The following SOX5 variants were observed in gnomAD, a reference collection of about 807,000 sequenced individuals.
SOX5 encodes transcription factor SOX-5.
SOX5 carries 9 observed loss-of-function variants against 92.0 expected under a neutral mutation model. That is an observed-to-expected ratio of 0.10 (90% CI 0.06 to 0.17). The LOEUF (loss-of-function observed/expected upper bound fraction) is 0.17. SOX5 is among the 10% of genes least tolerant of loss of function. The pLI, the probability that SOX5 is intolerant of heterozygous loss-of-function variation, is 1.00. For synonymous variants in SOX5, 344 were observed against 336.3 expected, an observed-to-expected ratio of 1.02 and a Z score of -0.25; for missense variants, 642 against 944.5, an observed-to-expected ratio of 0.68 and a Z score of 4.20.
chr12:23,786,327 T>A (rs564155376), intron 3 of SOX5, among the ~76,000 whole-genome samples: 1 of 152,094 alleles, frequency 6.6e-6, no homozygotes, highest in East Asian at 1.9e-4. Flanking sequence ...GCTATTTAAA[T>A]TATAAAAAGT....
intron 6 of SOX5, among the ~76,000 whole-genome samples, chr12:23,728,713 G>A (rs2093267740): frequency 6.6e-6 from 1 of 152,024 alleles, no homozygotes; most frequent in South Asian, 2.1e-4. Flanking sequence ...TATTTTTACC[G>A]TGTAGGAATA....
chr12:24,171,662 T>C (rs1333760917), intron 4 of SOX5, among the ~76,000 whole-genome samples: 4 of 152,082 alleles, frequency 2.6e-5, no homozygotes, highest in African/African-American at 7.2e-5. Flanking sequence ...ACTGAATGTT[T>C]AGCATGGGAG....
chr12:24,149,849 A>C (rs552973283), intron 4 of SOX5, among the ~76,000 whole-genome samples: 5 of 152,348 alleles, frequency 3.3e-5, no homozygotes, highest in African/African-American at 1.2e-4. Flanking sequence ...AGAATGTATT[A>C]TGTGATACAC....
chr12:23,555,829 A>T (rs1945058484), intron 11 of SOX5, among the ~76,000 whole-genome samples: 2 of 152,202 alleles, frequency 1.3e-5, no homozygotes, highest in Non-Finnish European at 1.5e-5. Context: ...ATGTATTTCA[A>T]TTAAATACCC....
At chr12:24,076,340 C>G (rs559667900) in intron 4 of SOX5, among the ~76,000 whole-genome samples, 1 of 152,262 alleles carries the variant, frequency 6.6e-6, no homozygotes, top group East Asian at 1.9e-4. Context: ...GCAAGCCCTC[C>G]ATGCTCTCAT....
chr12:23,857,293 T>C (rs1354496527), intron 2 of SOX5, among the ~76,000 whole-genome samples: 2 of 152,142 alleles, frequency 1.3e-5, no homozygotes, highest in East Asian at 3.8e-4. Flanking sequence ...TCTATTAAAG[T>C]AGCTTGTTAG....
At chr12:24,187,294 C>T (rs146548347) in intron 4 of SOX5, among the ~76,000 whole-genome samples, 91 of 152,278 alleles carry the variant, frequency 6.0e-4, no homozygotes, top group African/African-American at 2.1e-3. Context: ...AGAAGAGTTG[C>T]GTTCCAACCC....
At chr12:24,364,628 G>A (rs1212731004) in intron 2 of SOX5, among the ~76,000 whole-genome samples, 3 of 149,366 alleles carry the variant, frequency 2.0e-5, no homozygotes, top group African/African-American at 7.4e-5. Flanking sequence ...ATACTACTAT[G>A]GAGAGAATCA....
chr12:23,628,091 G>A (rs927166732), intron 8 of SOX5, among the ~76,000 whole-genome samples: 1 of 151,972 alleles, frequency 6.6e-6, no homozygotes, highest in Non-Finnish European at 1.5e-5. Context: ...GAATGTGTAA[G>A]GGCGTTTACT....
At chr12:24,090,494 A>G (rs1944513918) in intron 4 of SOX5, among the ~76,000 whole-genome samples, 1 of 152,216 alleles carries the variant, frequency 6.6e-6, no homozygotes, top group African/African-American at 2.4e-5. Flanking sequence ...ATTATATATT[A>G]GTACAATTCC....
intron 11 of SOX5, among the ~76,000 whole-genome samples, chr12:23,562,859 A>C (rs1946454800): frequency 6.6e-6 from 1 of 152,246 alleles, no homozygotes; most frequent in South Asian, 2.1e-4. Flanking sequence ...AATACTTAGA[A>C]TATGAGCATG....
At chr12:24,321,269 C>T (rs1354017927) in intron 2 of SOX5, among the ~76,000 whole-genome samples, 1 of 152,184 alleles carries the variant, frequency 6.6e-6, no homozygotes, top group Non-Finnish European at 1.5e-5. Context: ...TAATTAATAA[C>T]ATTCTGTGCA....
chr12:24,074,980 A>C (rs768519643), intron 4 of SOX5, among the ~76,000 whole-genome samples: 60 of 151,746 alleles, frequency 4.0e-4, no homozygotes, highest in Non-Finnish European at 6.8e-4. Flanking sequence ...AGGCAATGCC[A>C]GCCAGGCATG....
Position 24,067,498 on chromosome 12 carries a change from G to T in SOX5, c.-2+145845C>A, listed in dbSNP as rs781352579. Among the ~76,000 whole-genome samples, 11 of 152,066 alleles carry T rather than the reference G, an allele frequency of 7.2e-5. No individual in the cohort carries two copies. In the East Asian group the frequency reaches 2.1e-3, roughly 29 times the overall value. On this transcript the variant is annotated intron_variant, in intron 4 of 4. Coordinates refer to the SOX5 transcript ENST00000446891. ...AGCAGTCCTAGAAAGAGTATTCCTA[G>T]AAGTTAGAATGATTGCAGATAATAG...
chr12:23,770,210 C>G (rs2094885280), intron 3 of SOX5, among the ~76,000 whole-genome samples: 1 of 150,948 alleles, frequency 6.6e-6, no homozygotes, highest in African/African-American at 2.4e-5. Context: ...TTCCCTCCTG[C>G]CAGACCACCA....
intron 3 of SOX5, among the ~76,000 whole-genome samples, chr12:23,787,216 C>G (rs191549576): frequency 2.1e-3 from 323 of 152,020 alleles, no homozygotes; most frequent in African/African-American, 7.3e-3. Context: ...GCACAAACAA[C>G]TGATAAAACA....
At chr12:23,576,278 T>G (rs927228853) in intron 9 of SOX5, among the ~76,000 whole-genome samples, 3 of 152,170 alleles carry the variant, frequency 2.0e-5, no homozygotes, top group Non-Finnish European at 4.4e-5. Flanking sequence ...ACACCCATGA[T>G]GGAGGACCAC....
chr12:24,369,395 A>C (rs1108490), intron 1 of SOX5, among the ~76,000 whole-genome samples: 90,823 of 151,970 alleles, frequency 0.6, 27,436 homozygotes, highest in Non-Finnish European at 0.65. Flanking sequence ...AGGGGTTGGA[A>C]ACTAAAGGTC....
intron 8 of SOX5, among the ~76,000 whole-genome samples, chr12:23,622,751 ATTAAT>A (rs2077332071): frequency 6.6e-6 from 1 of 152,282 alleles, no homozygotes; most frequent in East Asian, 1.9e-4. Context: ...CTATACCATC[ATTAAT>A]TTAATTGGTA....
Sources: gnomAD v4.1 joint callset for allele counts (sites outside exome capture counted in the v4.1 genomes callset) on GRCh38, gnomAD v4.1.1 for gene constraint, MANE v1.5 for transcripts, NCBI Gene and HGNC (gene_info 2026-07-23, HGNC 2026-07-21) for gene names.